Variants in NEGR1 observed in about 807,000 individuals in gnomAD.
NEGR1 encodes the protein neuronal growth regulator 1.
Under a neutral mutation model 40.9 loss-of-function variants are expected in NEGR1, and 10 were observed. The ratio of observed to expected loss-of-function variants is 0.24; its 90% CI spans 0.15 to 0.42. NEGR1 has a LOEUF of 0.42. Among genes scored for constraint, NEGR1 ranks in the 10% least tolerant of loss-of-function variants. NEGR1 has a pLI of 1.00. For missense variants in NEGR1, 352 were observed against 438.9 expected (o/e 0.80, Z 1.77); for synonymous variants, 185 against 166.8 (o/e 1.11, Z -0.84).
chr1:72,282,294 A>T (rs374927573), intron 1 of NEGR1, 25 bp downstream of exon 1: 13 of 1,612,552 alleles, frequency 8.1e-6, no homozygotes, highest in Non-Finnish European at 1.1e-5. Context: ...CGAAACAAGT[A>T]CGAAAAGCAC....
intron 6 of NEGR1, among the ~76,000 whole-genome samples, chr1:71,582,446 G>T (rs1359437256): frequency 1.3e-5 from 2 of 151,992 alleles, no homozygotes; most frequent in African/African-American, 4.8e-5. Flanking sequence ...TTTGCCTCTA[G>T]AACTATAAAA....
chr1:71,752,900 T>C (rs1655617366), intron 3 of NEGR1, among the ~76,000 whole-genome samples: 1 of 152,206 alleles, frequency 6.6e-6, no homozygotes, highest in African/African-American at 2.4e-5. Context: ...CATTTTGATG[T>C]GAAAATTATT....
intron 1 of NEGR1, among the ~76,000 whole-genome samples, chr1:72,043,735 A>T (rs528150182): frequency 6.6e-6 from 1 of 151,878 alleles, no homozygotes; most frequent in East Asian, 1.9e-4. Flanking sequence ...GGTCTGAATG[A>T]CTTTGGACTA....
At chr1:72,227,348 T>C (rs1242877886) in intron 1 of NEGR1, among the ~76,000 whole-genome samples, 3 of 151,994 alleles carry the variant, frequency 2.0e-5, no homozygotes, top group African/African-American at 7.2e-5. Context: ...GGGTGGGAAG[T>C]GCTTGCCTGG....
chr1:71,964,153 G>A (rs1231013171), intron 1 of NEGR1, among the ~76,000 whole-genome samples: 2 of 151,966 alleles, frequency 1.3e-5, no homozygotes, highest in East Asian at 1.9e-4. Flanking sequence ...TACTACTTGT[G>A]GCAGACTGTA....
chr1:71,685,036 C>T (rs547545845), intron 4 of NEGR1, among the ~76,000 whole-genome samples: 53 of 152,050 alleles, frequency 3.5e-4, no homozygotes, highest in Non-Finnish European at 7.2e-4. Context: ...TTTATTATAT[C>T]GGTATATAAT....
chr1:71,494,689 G>A (rs750869488), intron 6 of NEGR1, among the ~76,000 whole-genome samples: 5 of 152,116 alleles, frequency 3.3e-5, no homozygotes, highest in African/African-American at 1.2e-4. Context: ...TCTGAAGTGA[G>A]GACCGTCTTG....
At chr1:72,183,810 G>A (rs773940176) in intron 1 of NEGR1, among the ~76,000 whole-genome samples, 1 of 152,086 alleles carries the variant, frequency 6.6e-6, no homozygotes, top group Non-Finnish European at 1.5e-5. Flanking sequence ...TATTTCTTCT[G>A]CTGGAGGAGC....
chr1:71,749,922 C>T (rs539204545), intron 3 of NEGR1, among the ~76,000 whole-genome samples: 1 of 151,886 alleles, frequency 6.6e-6, no homozygotes, highest in East Asian at 1.9e-4. Flanking sequence ...TATTTACAGA[C>T]ACATATAAAA....
intron 1 of NEGR1, among the ~76,000 whole-genome samples, chr1:72,025,833 C>T (rs1311947365): frequency 1.3e-5 from 2 of 151,986 alleles, no homozygotes; most frequent in African/African-American, 2.4e-5. Flanking sequence ...CATAATTGGC[C>T]GGGAGCGGTG....
chr1:72,270,066 C>T (rs1024773971), intron 1 of NEGR1, among the ~76,000 whole-genome samples: 4 of 151,766 alleles, frequency 2.6e-5, no homozygotes, highest in Non-Finnish European at 5.9e-5. Flanking sequence ...GAGAAAGGCA[C>T]TGGGCTTGGG....
intron 1 of NEGR1, among the ~76,000 whole-genome samples, chr1:71,976,241 T>C (rs1646302784): frequency 6.6e-6 from 1 of 152,202 alleles, no homozygotes; most frequent in South Asian, 2.1e-4. Flanking sequence ...AGAACTCACA[T>C]CGTCATATCA....
chr1:71,605,410 G>A (rs757027088), intron 5 of NEGR1, among the ~76,000 whole-genome samples: 15 of 152,060 alleles, frequency 9.9e-5, no homozygotes, highest in Non-Finnish European at 1.9e-4. Flanking sequence ...GGAATTCAAC[G>A]GTGCAGGCAA....
chr1:71,694,030 T>C (rs1484935499), intron 4 of NEGR1, among the ~76,000 whole-genome samples: 1 of 151,754 alleles, frequency 6.6e-6, no homozygotes, highest in African/African-American at 2.4e-5. Flanking sequence ...TCCTGCGTCC[T>C]GTTTTTTTGT....
chr1:71,531,805 A>G (rs1261291441), intron 6 of NEGR1, among the ~76,000 whole-genome samples: 1 of 151,490 alleles, frequency 6.6e-6, no homozygotes, highest in Non-Finnish European at 1.5e-5. Flanking sequence ...AGATTCTTTA[A>G]ATATATAATC....
chr1:71,972,377 T>C (rs1646264064), intron 1 of NEGR1, among the ~76,000 whole-genome samples: 1 of 152,122 alleles, frequency 6.6e-6, no homozygotes, highest in Non-Finnish European at 1.5e-5. Flanking sequence ...TAGGAGGCAA[T>C]AAAAATTAAT....
chr1:71,600,285 T>C (rs1313713180), intron 5 of NEGR1, among the ~76,000 whole-genome samples: 1 of 152,190 alleles, frequency 6.6e-6, no homozygotes, highest in Non-Finnish European at 1.5e-5. Flanking sequence ...TGATAAGCGT[T>C]GGGGACATGA....
chr1:72,141,019 T>C (rs1650657563), intron 1 of NEGR1, among the ~76,000 whole-genome samples: 1 of 152,064 alleles, frequency 6.6e-6, no homozygotes. Context: ...CCTGACATTG[T>C]GTACACTAAC....
chr1:71,911,334 C>T (rs1661416020), intron 2 of NEGR1, among the ~76,000 whole-genome samples: 1 of 152,054 alleles, frequency 6.6e-6, no homozygotes, highest in South Asian at 2.1e-4. Flanking sequence ...GGAAAGAGCT[C>T]TGGTCAGGAA....
Sources: allele counts gnomAD v4.1 joint callset (sites outside exome capture counted in the v4.1 genomes callset), GRCh38; gene constraint gnomAD v4.1.1; transcripts MANE v1.5; gene names NCBI Gene and HGNC (gene_info 2026-07-23, HGNC 2026-07-21).